DNHD1: variants seen among roughly 807,000 people sequenced by gnomAD.
DNHD1 encodes the protein dynein heavy chain domain-containing protein 1.
Under a neutral mutation model 458.1 loss-of-function variants are expected in DNHD1, and 383 were observed. That is an observed-to-expected ratio of 0.84 (90% confidence interval 0.77 to 0.91). DNHD1 has a LOEUF of 0.91. Among genes scored for constraint, DNHD1 ranks in the 40% least tolerant of loss-of-function variants. The pLI, the probability that DNHD1 is intolerant of heterozygous loss-of-function variation, is 0.00. For missense variants in DNHD1, 5,336 were observed against 5,866.1 expected (o/e 0.91, Z 2.95); for synonymous variants, 2,203 against 2,376.9 (o/e 0.93, Z 2.13).
rs1222285108 is a variant in DNHD1, at chr11:6,498,956, G to C, written c.741G>C (p.Glu247Asp). The change falls in exon 3 of 43, where the codon GAG becomes GAC. Residue 247 changes from glutamate (E) to aspartate (D), a missense_variant. This residue lies in a region of DNHD1 where 3,932 missense variants were observed against 4,365.6 expected (regional missense o/e 0.90). Transcript: ENST00000254579. ...AGGTGGAGCCTGTTGGAAGAAAAGAGACCAGGTAAGTGAGGGACTCAGTCT... is the reference window on the plus strand; with the variant it reads ...AGGTGGAGCCTGTTGGAAGAAAAGACACCAGGTAAGTGAGGGACTCAGTCT... ...NAEVEPVGRK[E>D]TRSQLDYEVP... The C allele has an allele frequency of 1.3e-6, 2 of 1,598,354 alleles. No individual in the cohort carries two copies. Among genetic ancestry groups the C allele is most frequent in the Non-Finnish European group, 8.5e-7 (1 of 1,171,566 alleles).
intron 7 of DNHD1, 88 bp from the exon 8 acceptor site, chr11:6,519,512 T>C: frequency 1.3e-6 from 2 of 1,489,152 alleles, no homozygotes; most frequent in Non-Finnish European, 9.2e-7. Context: ...GGTCCCAGAC[T>C]CCAAGACCTG....
chr11:6,539,941 G>C lies in DNHD1; in HGVS notation c.3486G>C (p.Trp1162Cys). ...QETIRRLQRY[W>C]EARQLRLLNF... ...CTATACGGCGGTTGCAGCGGTACTG[G>C]GAAGCGCGCCAGCTGCGCCTGCTCA... Residue 1162 changes from tryptophan (W) to cysteine (C), a missense_variant, in exon 18 of 43, where the codon TGG becomes TGC. Trp to Cys is a radical substitution (Grantham distance 215). Coordinates refer to ENST00000254579, the MANE Select transcript of DNHD1 (RefSeq NM_144666.3). The C allele has an allele frequency of 6.4e-7, 1 of 1,551,734 alleles. No individual in the cohort carries two copies. The highest frequency in any genetic ancestry group is 8.7e-7 in the Non-Finnish European group (1 of 1,146,990).
rs200725582 is a variant in DNHD1, at chr11:6,570,830, C to T, written c.13318C>T (p.Arg4440Trp). 2.5e-6 allele frequency: 4 copies of T among 1,613,914 alleles called. No individual in the cohort carries two copies. The highest frequency in any genetic ancestry group is 1.7e-5 in the Admixed American group (1 of 60,014). ...CGCCCAGCTTGCGGAAAGGCGACTG[C>T]GGCAACGCCTAGTGCAAGTCAACCG... is the stretch of plus-strand genomic sequence containing the variant. Reference protein sequence around the residue: ...RGAQLAERRLRQRLVQVNRRL... With the variant: ...RGAQLAERRLWQRLVQVNRRL... The change falls in exon 42 of 43, where the codon CGG (arginine) becomes TGG (tryptophan). Residue 4440 changes from arginine (R) to tryptophan (W), a missense_variant. Physicochemically the swap from Arg to Trp is moderately radical, Grantham distance 101. Transcript: ENST00000254579.
rs757335959 is a variant in DNHD1, at chr11:6,528,529, T to A, written c.1845T>A (p.Asp615Glu). The A allele has an allele frequency of 6.5e-7, 1 of 1,548,828 alleles. No homozygotes were observed. Among genetic ancestry groups the A allele is most frequent in the South Asian group, 1.2e-5 (1 of 84,008 alleles). The change falls in exon 11 of 43, where the codon GAT becomes GAA. Residue 615 changes from aspartate (D) to glutamate (E), a missense_variant. By Grantham distance (45) the Asp-to-Glu change is conservative. Coordinates refer to ENST00000254579, the MANE Select transcript of DNHD1 (RefSeq NM_144666.3). ...TGGCCTGTGCTCCACTAGAAGAAGA[T>A]GAAGAGGAGGACTCAAAAGACGAAT... ...SSDSLYSEEEDEEEDSKDEFL... is the reference protein window; with the variant it reads ...SSDSLYSEEEEEEEDSKDEFL...
chr11:6,556,628 G>C (rs567292170), intron 24 of DNHD1, 55 bp from the exon 25 acceptor site: 5 of 1,461,744 alleles, frequency 3.4e-6, no homozygotes, highest in Non-Finnish European at 4.6e-6. Flanking sequence ...GGAACAGGTT[G>C]ATACTCTCAT....
At chr11:6,569,953 C>A in intron 39 of DNHD1, 56 bp from the exon 40 acceptor site, 1 of 1,476,866 alleles carries the variant, frequency 6.8e-7, no homozygotes, top group Non-Finnish European at 9.4e-7. Context: ...CAAGACTTGA[C>A]AGTCCTCAGC....
At position 6,572,013 on chromosome 11, in the gene DNHD1, T is replaced by G. The variant is rs1853864263; in HGVS notation, c.*27T>G. 1 of 1,574,328 alleles carries G rather than the reference T, an allele frequency of 6.4e-7. No individual in the cohort carries two copies. The highest frequency in any genetic ancestry group is 1.7e-5 in the Admixed American group (1 of 57,796). ...CCCGTCTACCAAAATAAAGTTGTAG[T>G]GATTCCATGAAAGATTTCTGAGATA... On this transcript the variant is annotated 3_prime_UTR_variant, in exon 43 of 43. Transcript: ENST00000254579.
intron 29 of DNHD1, 84 bp from the exon 30 acceptor site, chr11:6,563,298 A>C: frequency 6.6e-7 from 1 of 1,503,878 alleles, no homozygotes; most frequent in South Asian, 1.2e-5. Context: ...GGGGACTCCA[A>C]GGAGATGATT....
chr11:6,514,548 C>G (rs1321602121), intron 7 of DNHD1, among the ~76,000 whole-genome samples: 1 of 150,448 alleles, frequency 6.6e-6, no homozygotes, highest in African/African-American at 2.4e-5. Flanking sequence ...TCTCTCCCTC[C>G]CTCTCTTCCT....
intron 7 of DNHD1, among the ~76,000 whole-genome samples, chr11:6,512,211 CTTTTTTTTTTT>C (rs11287049): frequency 2.9e-4 from 27 of 91,620 alleles, no homozygotes; most frequent in African/African-American, 1.1e-3. Context: ...CTTTTTCTTT[CTTTTTTTTTTT>C]TTTTTTTTTT....
At chr11:6,543,485 G>A (rs1031771415) in intron 18 of DNHD1, among the ~76,000 whole-genome samples, 1 of 150,268 alleles carries the variant, frequency 6.7e-6, no homozygotes, top group Non-Finnish European at 1.5e-5. Context: ...CCGGGCTAGA[G>A]GCTCTAGTTC....
In DNHD1 at chr11:6,539,916, C is replaced by T. The variant is rs1404157706; in HGVS notation, c.3461C>T (p.Thr1154Ile). 3.9e-6 allele frequency: 6 copies of T among 1,551,772 alleles called. No homozygotes were observed. Among genetic ancestry groups the T allele is most frequent in the Non-Finnish European group, 4.4e-6 (5 of 1,147,002 alleles). ...AATGAACGAATTCATGCCCAAGAGA[C>T]TATACGGCGGTTGCAGCGGTACTGG... The part of the protein sequence containing the change: ...NENERIHAQE[T>I]IRRLQRYWEA... The change falls in exon 18 of 43, where the codon ACT becomes ATT. Residue 1154 changes from threonine (T) to isoleucine (I), a missense_variant. Transcript: ENST00000254579.
chr11:6,562,180 G>C (rs1853600401), intron 28 of DNHD1, among the ~76,000 whole-genome samples: 1 of 152,158 alleles, frequency 6.6e-6, no homozygotes, highest in African/African-American at 2.4e-5. Context: ...TCAAAGATGG[G>C]CTGGATTTGG....
At chr11:6,533,271 GC>G in intron 13 of DNHD1, 87 bp downstream of exon 13, 2 of 1,348,834 alleles carry the variant, frequency 1.5e-6, no homozygotes, top group Non-Finnish European at 2.0e-6. Context: ...TCTCTGCTGA[GC>G]CCCCAGCAGA....
At chr11:6,561,531 G>C (rs916491801) in intron 28 of DNHD1, among the ~76,000 whole-genome samples, 2 of 152,208 alleles carry the variant, frequency 1.3e-5, no homozygotes, top group African/African-American at 4.8e-5. Context: ...CAGAAGATAA[G>C]AAGATATAGA....
chr11:6,514,260 C>G (rs937252344), intron 7 of DNHD1, among the ~76,000 whole-genome samples: 4 of 152,126 alleles, frequency 2.6e-5, no homozygotes, highest in African/African-American at 9.7e-5. Context: ...TGAGCCACAA[C>G]ACCCAGCTAA....
chr11:6,536,377 T>G (rs1158967545), intron 14 of DNHD1, among the ~76,000 whole-genome samples: 4 of 152,154 alleles, frequency 2.6e-5, no homozygotes, highest in Non-Finnish European at 5.9e-5. Flanking sequence ...TATATGAAAT[T>G]TGGAATTGCA....
Position 6,567,855 on chromosome 11 carries a change from CA to C in DNHD1, c.12347del (p.Gln4116ArgfsTer9), listed in dbSNP as rs1853743876. The C allele has an allele frequency of 1.2e-6, 2 of 1,610,446 alleles. No individual in the cohort carries two copies. Among genetic ancestry groups the C allele is most frequent in the African/African-American group, 2.7e-5 (2 of 75,068 alleles). On this transcript the variant is annotated frameshift_variant, in exon 36 of 43. Coordinates refer to ENST00000254579, the MANE Select transcript of DNHD1 (RefSeq NM_144666.3). LOFTEE classifies it high-confidence loss of function. ...TVIQKLAAKY[Q>X]QGQKQLQVIA... ...CATCCAGAAACTGGCTGCCAAGTAT[CA>C]GCAGGTTTGAACCTAGTTTCTTGGC...
intron 7 of DNHD1, 32 bp from the exon 8 acceptor site, chr11:6,519,568 C>A: frequency 6.2e-7 from 1 of 1,611,652 alleles, no homozygotes; most frequent in South Asian, 1.1e-5. Context: ...CTCCATCCCC[C>A]TATCTGGTGA....
Sources: allele counts gnomAD v4.1 joint callset (sites outside exome capture counted in the v4.1 genomes callset), GRCh38; gene constraint gnomAD v4.1.1; regional missense constraint gnomAD v4.1.1; transcripts MANE v1.5; gene names NCBI Gene and HGNC (gene_info 2026-07-23, HGNC 2026-07-21).